Variants in DRC9 observed in about 807,000 individuals in gnomAD.
DRC9 encodes the protein dynein regulatory complex subunit 9.
At chr3:197,891,913 TCTCA>T in the DRC9 span, among the ~76,000 whole-genome samples, 2 of 152,108 alleles carry the variant, frequency 1.3e-5, no homozygotes, top group Non-Finnish European at 2.9e-5. Flanking sequence ...TGAGACAGAG[TCTCA>T]CTCTGTCTGT....
chr3:197,947,575 C>G, the DRC9 span, among the ~76,000 whole-genome samples: 1 of 152,232 alleles, frequency 6.6e-6, no homozygotes, highest in Non-Finnish European at 1.5e-5. Flanking sequence ...TGGAGCCACT[C>G]TTCCCTCACC....
the DRC9 span, among the ~76,000 whole-genome samples, chr3:197,938,135 G>C: frequency 6.6e-6 from 1 of 151,922 alleles, no homozygotes; most frequent in African/African-American, 2.4e-5. Flanking sequence ...GGCCAACATG[G>C]TGAAACCCGT....
At chr3:197,906,476 G>A in the DRC9 span, 8 of 150,488 alleles carry the variant, frequency 5.3e-5, no homozygotes, top group African/African-American at 9.8e-5. Flanking sequence ...ATCCAGATTA[G>A]GAAAACAAAA....
the DRC9 span, chr3:197,955,617 G>A: frequency 2.5e-6 from 2 of 797,224 alleles, no homozygotes; most frequent in Non-Finnish European, 4.5e-6. Context: ...AGAGACTGAA[G>A]GCTATAAAAA....
the DRC9 span, chr3:197,956,167 G>A: frequency 0.021 from 4,955 of 237,152 alleles, 77 homozygotes; most frequent in Non-Finnish European, 0.03. Context: ...TGCCTATGCT[G>A]GCTTCAAACT....
chr3:197,955,978 C>T, the DRC9 span: 10 of 569,770 alleles, frequency 1.8e-5, no homozygotes, highest in Admixed American at 2.8e-5. Flanking sequence ...GGTTTTAATG[C>T]GAGTATCTTT....
At chr3:197,913,801 CCTT>C in the DRC9 span, 37 of 1,408,312 alleles carry the variant, frequency 2.6e-5, no homozygotes, top group African/African-American at 2.4e-4. Context: ...TTGTCTCCCT[CCTT>C]TGTTAGCTGA....
the DRC9 span, among the ~76,000 whole-genome samples, chr3:197,908,872 C>T: frequency 6.6e-6 from 1 of 151,426 alleles, no homozygotes; most frequent in Non-Finnish European, 1.5e-5. Flanking sequence ...AGCAAGCAAC[C>T]CTTTCCAAGG....
the DRC9 span, among the ~76,000 whole-genome samples, chr3:197,920,654 T>G: frequency 1.3e-5 from 2 of 152,182 alleles, no homozygotes; most frequent in African/African-American, 4.8e-5. Context: ...CATTGATAGT[T>G]TTGATGCTAT....
the DRC9 span, among the ~76,000 whole-genome samples, chr3:197,893,420 G>A: frequency 2.0e-5 from 3 of 150,702 alleles, no homozygotes; most frequent in Admixed American, 2.0e-4. Flanking sequence ...GATAAGGGAA[G>A]TTGCAATGAA....
At chr3:197,892,930 G>A in the DRC9 span, among the ~76,000 whole-genome samples, 1 of 152,156 alleles carries the variant, frequency 6.6e-6, no homozygotes, top group Non-Finnish European at 1.5e-5. Flanking sequence ...GGGAATGGGG[G>A]TGAGGGGGAC....
chr3:197,955,273 CTTTTT>C, the DRC9 span, among the ~76,000 whole-genome samples: 1 of 143,884 alleles, frequency 7.0e-6, no homozygotes, highest in Non-Finnish European at 1.5e-5. Flanking sequence ...TTTTCTTTTT[CTTTTT>C]TTTTTTTTGA....
chr3:197,899,974 CG>C, the DRC9 span, among the ~76,000 whole-genome samples: 1 of 152,174 alleles, frequency 6.6e-6, no homozygotes, highest in South Asian at 2.1e-4. Flanking sequence ...AGGGCGGGCG[CG>C]GCACCTGAGA....
the DRC9 span, among the ~76,000 whole-genome samples, chr3:197,919,056 C>T: frequency 6.6e-6 from 1 of 152,170 alleles, no homozygotes; most frequent in Non-Finnish European, 1.5e-5. Context: ...GATCCACCTG[C>T]CTCGGCCTCC....
the DRC9 span, among the ~76,000 whole-genome samples, chr3:197,904,069 TAC>T: frequency 4.0e-4 from 12 of 29,760 alleles, no homozygotes; most frequent in South Asian, 3.5e-3. Flanking sequence ...TATATATACA[TAC>T]ATATATATAT....
chr3:197,950,072 A>T, the DRC9 span: 1 of 1,166,494 alleles, frequency 8.6e-7, no homozygotes, highest in Non-Finnish European at 1.1e-6. Context: ...AATGTGGCTT[A>T]TTTCAGTGCG....
chr3:197,896,341 TA>T, the DRC9 span, among the ~76,000 whole-genome samples: 8,944 of 146,344 alleles, frequency 0.061, 476 homozygotes, highest in African/African-American at 0.15. Flanking sequence ...AAAACTCCGT[TA>T]AAAAAAAAAA....
At chr3:197,904,019 CATACATATATATAT>C in the DRC9 span, among the ~76,000 whole-genome samples, 1 of 90,634 alleles carries the variant, frequency 1.1e-5, no homozygotes, top group African/African-American at 6.8e-5. Flanking sequence ...TATATATATA[CATACATATATATAT>C]ACATACATAT....
At chr3:197,905,338 A>G in the DRC9 span, among the ~76,000 whole-genome samples, 1 of 152,188 alleles carries the variant, frequency 6.6e-6, no homozygotes, top group African/African-American at 2.4e-5. Context: ...TACGTCATGC[A>G]CTCCATAAGT....
Sources: gnomAD v4.1 joint callset for allele counts (sites outside exome capture counted in the v4.1 genomes callset) on GRCh38, gnomAD v4.1.1 for gene constraint, MANE v1.5 for transcripts, NCBI Gene and HGNC (gene_info 2026-07-23, HGNC 2026-07-21) for gene names.